Variants in ITGBL1 observed in about 807,000 individuals in gnomAD.
The protein encoded by ITGBL1 is integrin beta-like protein 1.
ITGBL1 carries 51 observed loss-of-function variants against 68.5 expected under a neutral mutation model. That is an observed-to-expected ratio of 0.74 (90% CI 0.59 to 0.94). The LOEUF (loss-of-function observed/expected upper bound fraction) is 0.94, where lower values mean the gene tolerates loss of function less well. Among genes scored for constraint, ITGBL1 ranks in the 40% least tolerant of loss-of-function variants. The probability of loss-of-function intolerance (pLI) is 0.00; values close to 1 mark genes in which losing one functional copy is unlikely to be tolerated. For synonymous variants in ITGBL1, 209 were observed against 227.3 expected, an observed-to-expected ratio of 0.92 and a Z score of 0.72; for missense variants, 649 against 647.4, an observed-to-expected ratio of 1.00 and a Z score of -0.03.
chr13:101,566,842 T>C (rs1357850469), intron 2 of ITGBL1, among the ~76,000 whole-genome samples: 1 of 152,208 alleles, frequency 6.6e-6, no homozygotes, highest in African/African-American at 2.4e-5. Context: ...CCAGAAAGTC[T>C]CTGCTGTTAC....
chr13:101,537,316 A>G (rs1224344466), intron 2 of ITGBL1, among the ~76,000 whole-genome samples: 1 of 152,074 alleles, frequency 6.6e-6, no homozygotes, highest in Non-Finnish European at 1.5e-5. Context: ...AATTTTGGTC[A>G]AGTAACTTAG....
chr13:101,593,864 C>G (rs1487166700), intron 6 of ITGBL1, among the ~76,000 whole-genome samples: 1 of 151,928 alleles, frequency 6.6e-6, no homozygotes, highest in Non-Finnish European at 1.5e-5. Flanking sequence ...GGACAGTTAA[C>G]AGTAAGATAT....
intron 2 of ITGBL1, among the ~76,000 whole-genome samples, chr13:101,551,290 A>G (rs1382236846): frequency 6.6e-6 from 1 of 152,192 alleles, no homozygotes; most frequent in Non-Finnish European, 1.5e-5. Context: ...TTGGAATGAA[A>G]CCTACCTTCG....
intron 7 of ITGBL1, among the ~76,000 whole-genome samples, chr13:101,630,654 T>A (rs2031947643): frequency 6.6e-6 from 1 of 152,220 alleles, no homozygotes; most frequent in Non-Finnish European, 1.5e-5. Context: ...GATTTTCCCT[T>A]ATTCATTTCC....
intron 9 of ITGBL1, among the ~76,000 whole-genome samples, chr13:101,708,325 A>G (rs998960824): frequency 1.3e-5 from 2 of 152,096 alleles, no homozygotes; most frequent in African/African-American, 2.4e-5. Flanking sequence ...GGGGCTTCCC[A>G]GCTCTCCTCT....
downstream of ITGBL1, chr13:101,720,505 T>TAACA (rs1372903096): frequency 3.3e-5 from 5 of 150,722 alleles, no homozygotes; most frequent in Admixed American, 1.3e-4. Context: ...TAATTATCAG[T>TAACA]AACAAATAGA....
intron 7 of ITGBL1, among the ~76,000 whole-genome samples, chr13:101,619,588 G>C (rs1240209264): frequency 3.3e-5 from 5 of 152,114 alleles, no homozygotes; most frequent in Non-Finnish European, 7.4e-5. Context: ...CTGATCTCCA[G>C]AACTGTAAGA....
chr13:101,636,984 A>G (rs2032190158), intron 7 of ITGBL1, among the ~76,000 whole-genome samples: 2 of 152,028 alleles, frequency 1.3e-5, no homozygotes, highest in Admixed American at 6.6e-5. Flanking sequence ...TCTGAAAGCA[A>G]CTCTTTACTG....
chr13:101,495,412 G>T (rs1344781000), intron 2 of ITGBL1, among the ~76,000 whole-genome samples: 2 of 152,104 alleles, frequency 1.3e-5, no homozygotes, highest in Admixed American at 6.6e-5. Flanking sequence ...CCACAAGGGT[G>T]CTTTTCTGTT....
chr13:101,495,688 G>A (rs1298850705), intron 2 of ITGBL1, among the ~76,000 whole-genome samples: 1 of 151,964 alleles, frequency 6.6e-6, no homozygotes, highest in Non-Finnish European at 1.5e-5. Context: ...CCTCCTATAA[G>A]GATGGGCATG....
intron 8 of ITGBL1, among the ~76,000 whole-genome samples, chr13:101,695,275 A>G (rs894971448): frequency 1.3e-5 from 2 of 152,152 alleles, no homozygotes; most frequent in African/African-American, 4.8e-5. Context: ...CAAGTAGGGG[A>G]AGTGGGGTAC....
intron 7 of ITGBL1, among the ~76,000 whole-genome samples, chr13:101,635,434 ACAAATAACT>A (rs1478655669): frequency 6.6e-6 from 1 of 152,128 alleles, no homozygotes; most frequent in Non-Finnish European, 1.5e-5. Flanking sequence ...TTAGTCATAA[ACAAATAACT>A]CATGCTAGTC....
Position 101,715,744 on chromosome 13 carries a change from A to G in ITGBL1, c.*90A>G. 1.3e-6 allele frequency: 1 copy of G among 772,312 alleles called. No individual in the cohort carries two copies. Among genetic ancestry groups the G allele is most frequent in the Non-Finnish European group, 2.2e-6 (1 of 444,978 alleles). The allele number at this position is 772,312 out of a possible 1,614,324, so 47.8% of individuals were successfully genotyped here. ...GAAACCATGTATATTCACCACTAGGACAGGTTAAAAAGACCATTGTATGTT... is the reference window on the plus strand; with the variant it reads ...GAAACCATGTATATTCACCACTAGGGCAGGTTAAAAAGACCATTGTATGTT... On this transcript the variant is annotated 3_prime_UTR_variant, in exon 11 of 11. Coordinates refer to ENST00000376180, the MANE Select transcript of ITGBL1 (RefSeq NM_004791.3).
chr13:101,508,876 G>GT, intron 2 of ITGBL1, among the ~76,000 whole-genome samples: 1 of 152,100 alleles, frequency 6.6e-6, no homozygotes, highest in East Asian at 1.9e-4. Flanking sequence ...GTATTTTAAG[G>GT]TTTTTTAAAA....
chr13:101,458,920 A>C (rs2048281874), intron 2 of ITGBL1, among the ~76,000 whole-genome samples: 1 of 152,224 alleles, frequency 6.6e-6, no homozygotes, highest in Admixed American at 6.5e-5. Context: ...ACTCCACGGG[A>C]GAGGCAATAA....
intron 2 of ITGBL1, among the ~76,000 whole-genome samples, chr13:101,492,885 T>C (rs769317036): frequency 6.6e-6 from 1 of 152,238 alleles, no homozygotes; most frequent in Non-Finnish European, 1.5e-5. Flanking sequence ...GTAATAATCC[T>C]AAACTTCCTC....
chr13:101,591,285 A>G (rs750350809), intron 6 of ITGBL1, among the ~76,000 whole-genome samples: 6 of 152,152 alleles, frequency 3.9e-5, no homozygotes, highest in Admixed American at 1.3e-4. Flanking sequence ...ATAAGCATAA[A>G]CCGTTACAAA....
At chr13:101,523,606 A>C (rs899388693) in intron 2 of ITGBL1, among the ~76,000 whole-genome samples, 4 of 152,202 alleles carry the variant, frequency 2.6e-5, no homozygotes, top group Admixed American at 2.6e-4. Flanking sequence ...ATGACTTCCA[A>C]AACGTCAAAA....
intron 2 of ITGBL1, among the ~76,000 whole-genome samples, chr13:101,533,058 T>C (rs2096788098): frequency 6.6e-6 from 1 of 152,062 alleles, no homozygotes; most frequent in African/African-American, 2.4e-5. Flanking sequence ...ATTACAAGAG[T>C]GTATCTGAAA....
Sources: gnomAD v4.1 joint callset for allele counts (sites outside exome capture counted in the v4.1 genomes callset) on GRCh38, gnomAD v4.1.1 for gene constraint, MANE v1.5 for transcripts, NCBI Gene and HGNC (gene_info 2026-07-23, HGNC 2026-07-21) for gene names.